Variants in VWA8 observed in about 807,000 individuals in gnomAD.
VWA8 encodes the protein von Willebrand factor A domain containing 8.
A neutral mutation model predicts 241.5 loss-of-function variants in VWA8; 221 were observed. That is an observed-to-expected ratio of 0.91 (90% CI 0.82 to 1.02). The LOEUF (loss-of-function observed/expected upper bound fraction) is 1.02. Ranked by LOEUF, VWA8 falls within the 50% of genes least tolerant of loss-of-function variation. The pLI is 0.00. For missense variants in VWA8, 2,322 were observed against 2,328.7 expected, an observed-to-expected ratio of 1.00 and a Z score of 0.06; for synonymous variants, 852 against 827.1, an observed-to-expected ratio of 1.03 and a Z score of -0.52.
Position 41,570,712 on chromosome 13 carries a change from G to T in VWA8, c.5371-6C>A, listed in dbSNP as rs745573136. On this transcript the variant is annotated splice_polypyrimidine_tract_variant and splice_region_variant and intron_variant, in intron 43 of 44. Transcript: ENST00000379310. ...TGAGAGTGGGCATGCATTGTCTGGA[G>T]GTAAAAGAAGTTGCACAAAAGCCAT... 6.2e-7 allele frequency: 1 copy of T among 1,605,644 alleles called. No homozygotes were observed. The highest frequency in any genetic ancestry group is 8.5e-7 in the Non-Finnish European group (1 of 1,173,912).
chr13:41,874,635 T>C (rs1461278170), intron 9 of VWA8, among the ~76,000 whole-genome samples: 1 of 152,128 alleles, frequency 6.6e-6, no homozygotes, highest in Non-Finnish European at 1.5e-5. Flanking sequence ...TATAATTAAA[T>C]AAAATGAAAT....
intron 40 of VWA8, among the ~76,000 whole-genome samples, chr13:41,598,393 T>A (rs1390454436): frequency 1.3e-5 from 2 of 152,060 alleles, no homozygotes; most frequent in African/African-American, 4.8e-5. Context: ...TGTATACCTT[T>A]AAAAAGAATG....
Position 41,787,535 on chromosome 13 carries a change from G to C in VWA8, c.2072C>G (p.Pro691Arg), listed in dbSNP as rs1869256372. The C allele has an allele frequency of 6.2e-7, 1 of 1,603,978 alleles. No homozygotes were observed. Residue 691 changes from proline to arginine, a missense_variant, in exon 18 of 45, where the codon CCC becomes CGC. By Grantham distance (103) the Pro-to-Arg change is moderately radical. Coordinates refer to ENST00000379310, the MANE Select transcript of VWA8 (RefSeq NM_015058.2). ...VTKACLSRFL[P>R]SLARSALEKN... ...TTCTAATGCTGACCTAGCAAGACTG[G>C]GTAAAAACCTGGAGGATGAAGAGGG... is the stretch of plus-strand genomic sequence containing the variant.
chr13:41,710,094 T>C (rs1490611579), intron 26 of VWA8, among the ~76,000 whole-genome samples: 1 of 152,190 alleles, frequency 6.6e-6, no homozygotes, highest in Non-Finnish European at 1.5e-5. Flanking sequence ...AATGCTTGGT[T>C]ATATTATAAC....
chr13:41,833,634 A>T (rs1871582805), intron 12 of VWA8, 103 bp from the exon 13 acceptor site: 3 of 1,272,576 alleles, frequency 2.4e-6, no homozygotes, highest in African/African-American at 3.0e-5. Context: ...GTCTGAACTT[A>T]ACATTCCATA....
At chr13:41,863,236 C>T (rs1236486472) in intron 12 of VWA8, among the ~76,000 whole-genome samples, 1 of 148,428 alleles carries the variant, frequency 6.7e-6, no homozygotes, top group African/African-American at 2.6e-5. Context: ...TTCCTGCCCT[C>T]AAACATCAGA....
At chr13:41,650,877 G>C (rs1840651966) in intron 37 of VWA8, among the ~76,000 whole-genome samples, 1 of 152,316 alleles carries the variant, frequency 6.6e-6, no homozygotes, top group Non-Finnish European at 1.5e-5. Flanking sequence ...TAAAGGAAGA[G>C]ACACAGGAGT....
At chr13:41,705,325 T>C (rs1049555931) in intron 26 of VWA8, among the ~76,000 whole-genome samples, 4 of 152,092 alleles carry the variant, frequency 2.6e-5, no homozygotes, top group Non-Finnish European at 5.9e-5. Flanking sequence ...ATTAGGGGAA[T>C]AAAGGGTTTT....
intron 34 of VWA8, among the ~76,000 whole-genome samples, chr13:41,687,999 T>C (rs1420429899): frequency 6.6e-6 from 1 of 151,770 alleles, no homozygotes; most frequent in Non-Finnish European, 1.5e-5. Flanking sequence ...AGAAGATCAA[T>C]TTTTAAAATA....
At chr13:41,721,847 G>A (rs1182459552) in intron 24 of VWA8, among the ~76,000 whole-genome samples, 1 of 151,952 alleles carries the variant, frequency 6.6e-6, no homozygotes, top group African/African-American at 2.4e-5. Flanking sequence ...CCAATACAAA[G>A]AGGAAAAAAA....
At position 41,620,370 on chromosome 13, in the gene VWA8, A is replaced by G. The variant is rs142255206; in HGVS notation, c.4612-5286T>C. Among the ~76,000 whole-genome samples the G allele has an allele frequency of 6.0e-4, 91 of 151,736 alleles. 1 individual carries two copies. The highest frequency in any genetic ancestry group is 4.4e-4 in the Non-Finnish European group (30 of 67,906). On this transcript the variant is annotated intron_variant, in intron 37 of 44. Transcript: ENST00000379310. ...TTGATTCTTCTCTCTTTTCTTCTTTATCAGTCTTGCCAGCGGTCTATCTAT... is the reference window on the plus strand; with the variant it reads ...TTGATTCTTCTCTCTTTTCTTCTTTGTCAGTCTTGCCAGCGGTCTATCTAT...
chr13:41,887,625 C>T (rs1389738301), intron 5 of VWA8, among the ~76,000 whole-genome samples: 1 of 152,102 alleles, frequency 6.6e-6, no homozygotes, highest in Non-Finnish European at 1.5e-5. Flanking sequence ...GATCTCCAAG[C>T]CTTAGTCAGT....
intron 12 of VWA8, among the ~76,000 whole-genome samples, chr13:41,863,550 C>T (rs1375548097): frequency 3.3e-5 from 5 of 150,532 alleles, no homozygotes; most frequent in East Asian, 3.9e-4. Context: ...CTACACACAA[C>T]AGCAAAGACA....
chr13:41,633,412 C>T (rs1423576901), intron 37 of VWA8, among the ~76,000 whole-genome samples: 1 of 152,166 alleles, frequency 6.6e-6, no homozygotes, highest in Non-Finnish European at 1.5e-5. Context: ...GCCATTGCCA[C>T]TGCGGCTGTG....
chr13:41,811,891 A>C (rs907851300), intron 16 of VWA8, among the ~76,000 whole-genome samples: 4 of 152,186 alleles, frequency 2.6e-5, no homozygotes, highest in Non-Finnish European at 4.4e-5. Context: ...TACATTTCCC[A>C]AAATTCCACG....
intron 5 of VWA8, among the ~76,000 whole-genome samples, chr13:41,889,536 G>A (rs1415837345): frequency 1.3e-5 from 2 of 151,806 alleles, no homozygotes; most frequent in Non-Finnish European, 2.9e-5. Flanking sequence ...ATGCCACCAC[G>A]CCCAGCTAAT....
intron 17 of VWA8, among the ~76,000 whole-genome samples, chr13:41,787,911 AG>A (rs1869279261): frequency 6.6e-6 from 1 of 152,206 alleles, no homozygotes; most frequent in Non-Finnish European, 1.5e-5. Context: ...TGGCTGTTCT[AG>A]GTTGGCAATC....
chr13:41,793,770 C>T (rs556795173), intron 17 of VWA8, among the ~76,000 whole-genome samples: 2 of 152,150 alleles, frequency 1.3e-5, no homozygotes, highest in East Asian at 1.9e-4. Flanking sequence ...GAGCCGAGAT[C>T]GTGCCACTGC....
intron 42 of VWA8, 51 bp downstream of exon 42, chr13:41,587,461 C>T (rs1249448407): frequency 6.2e-7 from 1 of 1,605,070 alleles, no homozygotes; most frequent in East Asian, 2.2e-5. Context: ...ATCCACCTAT[C>T]CATCATCATG....
Sources: allele counts gnomAD v4.1 joint callset (sites outside exome capture counted in the v4.1 genomes callset), GRCh38; gene constraint gnomAD v4.1.1; transcripts MANE v1.5; gene names NCBI Gene and HGNC (gene_info 2026-07-23, HGNC 2026-07-21).